Variants in PHF20L1 observed in about 807,000 individuals in gnomAD.
The protein encoded by PHF20L1 is PHD finger protein 20-like protein 1.
In PHF20L1, 44 loss-of-function variants were observed where a neutral mutation model predicts 125.5. The observed-to-expected ratio is 0.35, with a 90% confidence interval of 0.28 to 0.45. The LOEUF is 0.45. PHF20L1 is among the 20% of genes least tolerant of loss of function. The pLI, the probability that PHF20L1 is intolerant of heterozygous loss-of-function variation, is 1.00. For missense variants in PHF20L1, 1,012 were observed against 1,217.2 expected (o/e 0.83, Z 2.51); for synonymous variants, 380 against 403.1 (o/e 0.94, Z 0.69).
At chr8:132,808,705 G>A (rs926471035) in intron 8 of PHF20L1, 5 of 151,658 alleles carry the variant, frequency 3.3e-5, no homozygotes, top group Admixed American at 3.3e-4. Context: ...TTTCAGTAAT[G>A]TAAAAATATG....
Position 132,794,787 on chromosome 8 carries a change from C to A in PHF20L1, c.310C>A (p.Pro104Thr), listed in dbSNP as rs899042344. ...LARWTDCRYYPAKIEAINKEG... is the reference protein window; with the variant it reads ...LARWTDCRYYTAKIEAINKEG... ...TCGTTGGACAGACTGTCGCTATTAC[C>A]CTGCCAAGATTGAAGCAATTAACAA... The change falls in exon 4 of 21, where the codon CCT becomes ACT. Residue 104 changes from proline to threonine, a missense_variant. Around this residue, in one of 7 missense-constraint regions of PHF20L1, gnomAD observed 94 missense variants for 179.5 expected, o/e 0.52. Transcript: ENST00000395386. 1.2e-6 allele frequency: 2 copies of A among 1,612,128 alleles called. No individual in the cohort carries two copies. The highest frequency in any genetic ancestry group is 1.7e-6 in the Non-Finnish European group (2 of 1,178,630).
chr8:132,821,378 T>TC (rs1835576950), intron 12 of PHF20L1, among the ~76,000 whole-genome samples: 1 of 151,948 alleles, frequency 6.6e-6, no homozygotes, highest in South Asian at 2.1e-4. Context: ...ATGGGGTTGG[T>TC]CTAAGTATGG....
chr8:132,817,455 T>C lies in PHF20L1; in HGVS notation c.1489T>C (p.Cys497Arg), dbSNP rs778868402. The C allele has an allele frequency of 5.6e-6, 9 of 1,612,660 alleles. No homozygotes were observed. The highest frequency in any genetic ancestry group is 1.7e-5 in the Admixed American group (1 of 59,822). The change falls in exon 12 of 21, where the codon TGT becomes CGT. Residue 497 changes from cysteine to arginine, a missense_variant. Transcript: ENST00000395386. Reference protein sequence around the residue: ...VASDSSYRNECPRAEKEDTQM... With the variant: ...VASDSSYRNERPRAEKEDTQM... ...CTCAGATTCCTCTTACCGTAATGAATGTCCCAGGGCAGAAAAAGAGGATAC... is the reference window on the plus strand; with the variant it reads ...CTCAGATTCCTCTTACCGTAATGAACGTCCCAGGGCAGAAAAAGAGGATAC...
chr8:132,802,757 G>A (rs1471925613), intron 6 of PHF20L1, among the ~76,000 whole-genome samples: 1 of 151,796 alleles, frequency 6.6e-6, no homozygotes, highest in Non-Finnish European at 1.5e-5. Context: ...TTAAGGCAGT[G>A]TTAATCTACA....
chr8:132,780,877 T>G (rs1215788120), intron 2 of PHF20L1, among the ~76,000 whole-genome samples: 18 of 151,306 alleles, frequency 1.2e-4, no homozygotes, highest in Admixed American at 7.9e-4. Flanking sequence ...CAGAGTCTTT[T>G]CTGTTTCTCA....
chr8:132,794,949 C>A, intron 4 of PHF20L1, 132 bp downstream of exon 4: 1 of 613,662 alleles, frequency 1.6e-6, no homozygotes, highest in South Asian at 2.3e-5. Context: ...TATTCTTTTT[C>A]GGGAGCATTT....
At position 132,794,769 on chromosome 8, in the gene PHF20L1, A is replaced by G; in HGVS notation, c.292A>G (p.Thr98Ala). 6.2e-7 allele frequency: 1 copy of G among 1,613,276 alleles called. No homozygotes were observed. The highest frequency in any genetic ancestry group is 2.2e-5 in the East Asian group (1 of 44,856). ...KAGEEVLARW[T>A]DCRYYPAKIE... ...TGGAGAAGAAGTTCTGGCTCGTTGG[A>G]CAGACTGTCGCTATTACCCTGCCAA... is the stretch of plus-strand genomic sequence containing the variant. The change falls in exon 4 of 21, where the codon ACA (threonine) becomes GCA (alanine). Residue 98 changes from threonine (T) to alanine (A), a missense_variant. Physicochemically the swap from Thr to Ala is moderately conservative, Grantham distance 58. Transcript: ENST00000395386.
intron 12 of PHF20L1, among the ~76,000 whole-genome samples, chr8:132,820,309 G>C (rs1835439124): frequency 6.6e-6 from 1 of 151,602 alleles, no homozygotes; most frequent in Non-Finnish European, 1.5e-5. Context: ...TTTTGAAAAG[G>C]GGTCTTTTGA....
Position 132,848,032 on chromosome 8 carries a change from G to A in PHF20L1, c.*2109G>A, listed in dbSNP as rs1191614430. On this transcript the variant is annotated 3_prime_UTR_variant, in exon 21 of 21. Coordinates refer to ENST00000395386, the MANE Select transcript of PHF20L1 (RefSeq NM_016018.5). ...GGAGCAAATAGCATCCTTAACCTAT[G>A]AATAATGGTGTTGCCTAGATTCTTG... 6.6e-6 allele frequency: 1 copy of A among 151,856 alleles called. No homozygotes were observed. Among genetic ancestry groups the A allele is most frequent in the East Asian group, 1.9e-4 (1 of 5,192 alleles). The allele number at this position is 151,856 out of a possible 1,614,324, so 9.4% of individuals were successfully genotyped here.
intron 9 of PHF20L1, 53 bp downstream of exon 9, chr8:132,811,181 G>C (rs753014405): frequency 2.5e-6 from 4 of 1,605,820 alleles, no homozygotes; most frequent in Non-Finnish European, 2.6e-6. Flanking sequence ...GAATGATCAC[G>C]GAGCTCTAGT....
chr8:132,805,947 G>T (rs1833640682), intron 8 of PHF20L1, among the ~76,000 whole-genome samples: 2 of 152,070 alleles, frequency 1.3e-5, no homozygotes, highest in African/African-American at 2.4e-5. Flanking sequence ...CTTGGAGAAA[G>T]CCAAATGTTC....
chr8:132,786,824 A>G (rs1421364296), intron 2 of PHF20L1, among the ~76,000 whole-genome samples: 1 of 152,170 alleles, frequency 6.6e-6, no homozygotes, highest in Admixed American at 6.5e-5. Context: ...GCACATAAAC[A>G]TTAGTTTTAA....
rs185398077 is a variant in PHF20L1 at position 132,781,803 on chromosome 8, A to T, written c.83+3892A>T. Among the ~76,000 whole-genome samples the T allele has an allele frequency of 8.5e-4, 129 of 152,288 alleles. 1 individual carries two copies. The highest frequency in any genetic ancestry group is 3.0e-3 in the African/African-American group (124 of 41,568). ...AAGAACACTCATTGGTGGTTTATTT[A>T]TCAGTACTAATGGACACAGGCCCTG... is the stretch of plus-strand genomic sequence containing the variant. On this transcript the variant is annotated intron_variant, in intron 2 of 20. Coordinates refer to ENST00000395386, the MANE Select transcript of PHF20L1 (RefSeq NM_016018.5).
chr8:132,796,133 A>G (rs1832359140), intron 4 of PHF20L1, among the ~76,000 whole-genome samples: 1 of 152,130 alleles, frequency 6.6e-6, no homozygotes, highest in African/African-American at 2.4e-5. Flanking sequence ...AAGACAACTA[A>G]GTTAGCTAAA....
intron 9 of PHF20L1, chr8:132,812,295 T>C (rs1834486500): frequency 3.0e-6 from 3 of 985,148 alleles, no homozygotes; most frequent in Non-Finnish European, 3.6e-6. Flanking sequence ...ACTTGGGTAA[T>C]AAAATGTTTC....
At position 132,795,213 on chromosome 8, in the gene PHF20L1, T is replaced by C. The variant is rs192789074; in HGVS notation, c.340+396T>C. Among the ~76,000 whole-genome samples the C allele has an allele frequency of 3.3e-5, 5 of 152,248 alleles. No homozygotes were observed. The East Asian group carries it at 7.7e-4, about 24-fold the overall frequency. ...CAGTTCAATTCACAAGTGAAATACA[T>C]AGGATATTTTCTGAGGAAAGAGTAT... is the stretch of plus-strand genomic sequence containing the variant. On this transcript the variant is annotated intron_variant, in intron 4 of 20. Transcript: ENST00000395386.
intron 17 of PHF20L1, 164 bp downstream of exon 17, chr8:132,837,975 C>A: frequency 1.7e-6 from 1 of 581,306 alleles, no homozygotes; most frequent in African/African-American, 1.9e-5. Flanking sequence ...TGCTATATGC[C>A]ATAGGAACTT....
chr8:132,814,180 A>G (rs1336134129), intron 9 of PHF20L1, among the ~76,000 whole-genome samples: 1 of 151,962 alleles, frequency 6.6e-6, no homozygotes, highest in African/African-American at 2.4e-5. Flanking sequence ...CTGTCTACTT[A>G]GACCTTTACA....
intron 2 of PHF20L1, among the ~76,000 whole-genome samples, chr8:132,779,505 TAA>T (rs1830194023): frequency 6.6e-6 from 1 of 152,220 alleles, no homozygotes; most frequent in Non-Finnish European, 1.5e-5. Context: ...ATATTACTCT[TAA>T]GTGATTTATT....
Sources: allele counts gnomAD v4.1 joint callset (sites outside exome capture counted in the v4.1 genomes callset), GRCh38; gene constraint gnomAD v4.1.1; regional missense constraint gnomAD v4.1.1; transcripts MANE v1.5; gene names NCBI Gene and HGNC (gene_info 2026-07-23, HGNC 2026-07-21).